Variants in UBAP1 observed in about 807,000 individuals in gnomAD.
The protein encoded by UBAP1 is ubiquitin-associated protein 1.
A neutral mutation model predicts 39.0 loss-of-function variants in UBAP1; 5 were observed. The ratio of observed to expected loss-of-function variants is 0.13; its 90% CI spans 0.07 to 0.27. The LOEUF is 0.27. Ranked by LOEUF, UBAP1 falls within the 10% of genes least tolerant of loss-of-function variation. The pLI is 1.00. For missense variants in UBAP1, 490 were observed against 608.1 expected (o/e 0.81, Z 2.04); for synonymous variants, 211 against 225.1 (o/e 0.94, Z 0.56).
chr9:34,217,350 C>T (rs1424458257), intron 1 of UBAP1, among the ~76,000 whole-genome samples: 2 of 152,042 alleles, frequency 1.3e-5, no homozygotes, highest in Non-Finnish European at 2.9e-5. Flanking sequence ...GATTCTTCTG[C>T]CTCAGCCTCC....
At chr9:34,202,736 T>G (rs1241476577) in intron 1 of UBAP1, among the ~76,000 whole-genome samples, 1 of 151,346 alleles carries the variant, frequency 6.6e-6, no homozygotes, top group East Asian at 2.0e-4. Flanking sequence ...ACTGTCAATC[T>G]TGTTTTATAT....
chr9:34,198,103 A>G (rs959450872), intron 1 of UBAP1, among the ~76,000 whole-genome samples: 3 of 152,184 alleles, frequency 2.0e-5, no homozygotes, highest in African/African-American at 7.2e-5. Flanking sequence ...GTCTGAGGCC[A>G]GTGCAGGTCT....
chr9:34,211,999 C>T (rs1462103610), intron 1 of UBAP1: 3 of 428,910 alleles, frequency 7.0e-6, no homozygotes, highest in Admixed American at 2.6e-5. Flanking sequence ...TGTAAAAGTT[C>T]TTGAATTATG....
Position 34,179,177 on chromosome 9 carries a change from C to T in UBAP1, c.-71C>T. 1 of 1,237,552 alleles carries T rather than the reference C, an allele frequency of 8.1e-7. No individual in the cohort carries two copies. Among genetic ancestry groups the T allele is most frequent in the Non-Finnish European group, 1.0e-6 (1 of 989,392 alleles). The allele number at this position is 1,237,552 out of a possible 1,614,324, so 76.7% of individuals were successfully genotyped here. ...TGTCGGGAGCTCAGCGGGGACCGAG[C>T]CTGGGAGGCCGGCCGGTGCCAGCAC... On this transcript the variant is annotated 5_prime_UTR_variant, in exon 1 of 7. Transcript: ENST00000297661.
At chr9:34,199,798 G>A (rs1179427192) in intron 1 of UBAP1, among the ~76,000 whole-genome samples, 1 of 145,256 alleles carries the variant, frequency 6.9e-6, no homozygotes, top group Non-Finnish European at 1.5e-5. Flanking sequence ...ACCATGCCTG[G>A]CTGATTTTTT....
intron 2 of UBAP1, among the ~76,000 whole-genome samples, chr9:34,225,828 C>T (rs991464467): frequency 1.3e-5 from 2 of 150,966 alleles, no homozygotes; most frequent in African/African-American, 4.9e-5. Flanking sequence ...TCCTCTTTCA[C>T]TGATTCTTAT....
chr9:34,236,955 C>T (rs1033065961), intron 3 of UBAP1, among the ~76,000 whole-genome samples: 17 of 151,940 alleles, frequency 1.1e-4, no homozygotes, highest in Non-Finnish European at 2.2e-4. Context: ...AGACCTTGTA[C>T]GTTATCTCTC....
chr9:34,228,550 A>G (rs554523761), intron 2 of UBAP1, among the ~76,000 whole-genome samples: 200 of 150,720 alleles, frequency 1.3e-3, no homozygotes, highest in Middle Eastern at 6.9e-3. Flanking sequence ...CCATTATTAC[A>G]AATACTGCTT....
chr9:34,247,043 A>T (rs543611860), intron 4 of UBAP1, among the ~76,000 whole-genome samples: 76 of 152,326 alleles, frequency 5.0e-4, no homozygotes, highest in African/African-American at 1.8e-3. Flanking sequence ...AATGGCTACC[A>T]TGAATGCAGT....
intron 2 of UBAP1, among the ~76,000 whole-genome samples, chr9:34,224,910 G>C (rs1280359769): frequency 2.0e-5 from 3 of 152,166 alleles, no homozygotes; most frequent in Non-Finnish European, 4.4e-5. Context: ...TCAGTTCATA[G>C]ACTTGCTTTC....
At chr9:34,233,926 G>A (rs557938364) in intron 2 of UBAP1, among the ~76,000 whole-genome samples, 28 of 152,246 alleles carry the variant, frequency 1.8e-4, no homozygotes, top group African/African-American at 6.5e-4. Context: ...TTAGTACAGT[G>A]AGCCAGAGGA....
chr9:34,179,016 T>G (rs759528561), upstream of UBAP1: 63 of 1,256,920 alleles, frequency 5.0e-5, no homozygotes, highest in Non-Finnish European at 6.0e-6. Context: ...GACGCCCAAA[T>G]GAGTGGGGCG....
At chr9:34,194,766 A>G (rs1348285865) in intron 1 of UBAP1, among the ~76,000 whole-genome samples, 1 of 152,154 alleles carries the variant, frequency 6.6e-6, no homozygotes, top group African/African-American at 2.4e-5. Flanking sequence ...GATCCTTACA[A>G]TAACTTTATG....
At chr9:34,250,940 G>A (rs1834472466) in intron 6 of UBAP1, 181 bp downstream of exon 6, 1 of 625,350 alleles carries the variant, frequency 1.6e-6, no homozygotes, top group Non-Finnish European at 2.9e-6. Context: ...TGGCTTGGTG[G>A]TTGAAGCATT....
At chr9:34,249,424 A>G (rs1181610316) in intron 4 of UBAP1, among the ~76,000 whole-genome samples, 1 of 152,172 alleles carries the variant, frequency 6.6e-6, no homozygotes, top group Non-Finnish European at 1.5e-5. Context: ...CAGCTTGGAC[A>G]TCAGTCCCGG....
At chr9:34,186,601 T>TA (rs1394041244) in intron 1 of UBAP1, among the ~76,000 whole-genome samples, 1 of 152,212 alleles carries the variant, frequency 6.6e-6, no homozygotes, top group African/African-American at 2.4e-5. Flanking sequence ...TAGTGTTTTT[T>TA]ATCAGCATTT....
chr9:34,185,115 G>C (rs1830326036), intron 1 of UBAP1, among the ~76,000 whole-genome samples: 1 of 151,360 alleles, frequency 6.6e-6, no homozygotes, highest in African/African-American at 2.4e-5. Flanking sequence ...TGTATTTTTA[G>C]TAGAGATGGT....
At chr9:34,250,582 AC>A (rs1834435293) in intron 5 of UBAP1, 75 bp from the exon 6 acceptor site, 2 of 1,190,252 alleles carry the variant, frequency 1.7e-6, no homozygotes, top group Non-Finnish European at 2.4e-6. Context: ...GACTTCACAC[AC>A]TAGTTTGTTG....
chr9:34,231,666 A>G (rs1833428276), intron 2 of UBAP1, among the ~76,000 whole-genome samples: 1 of 149,920 alleles, frequency 6.7e-6, no homozygotes, highest in East Asian at 2.0e-4. Context: ...TGTTTTTGAG[A>G]TAGAGTCTCG....
Sources: allele counts gnomAD v4.1 joint callset (sites outside exome capture counted in the v4.1 genomes callset), GRCh38; gene constraint gnomAD v4.1.1; transcripts MANE v1.5; gene names NCBI Gene and HGNC (gene_info 2026-07-23, HGNC 2026-07-21).